Variants in UGT1A8 observed in about 807,000 individuals in gnomAD.
The protein encoded by UGT1A8 is UDP glucuronosyltransferase family 1 member A8.
Under a neutral mutation model 45.3 loss-of-function variants are expected in UGT1A8, and 39 were observed. The ratio of observed to expected loss-of-function variants is 0.86; its 90% CI spans 0.67 to 1.12. UGT1A8 has a LOEUF of 1.12. UGT1A8 is among the 50% of genes most tolerant of loss of function. The pLI is 0.00. For missense variants in UGT1A8, 719 were observed against 664.9 expected (o/e 1.08, Z -0.90); for synonymous variants, 275 against 249.2 (o/e 1.10, Z -0.97).
chr2:233,635,648 T>A (rs770605579), intron 1 of UGT1A8, among the ~76,000 whole-genome samples: 11 of 150,762 alleles, frequency 7.3e-5, no homozygotes, highest in Non-Finnish European at 1.2e-4. Context: ...GCATGGCTAC[T>A]GTGAAAGAAG....
chr2:233,755,210 C>A, intron 1 of UGT1A8: 1 of 1,056,306 alleles, frequency 9.5e-7, no homozygotes, highest in Non-Finnish European at 1.4e-6. Flanking sequence ...GGTACGCCTT[C>A]TTGATACCCT....
intron 1 of UGT1A8, chr2:233,648,674 C>A: frequency 3.1e-6 from 1 of 325,856 alleles, no homozygotes; most frequent in South Asian, 3.2e-5. Flanking sequence ...CCGTGTTAGC[C>A]AGGATGGTCT....
chr2:233,744,692 A>G (rs1481135154), intron 1 of UGT1A8, among the ~76,000 whole-genome samples: 1 of 151,878 alleles, frequency 6.6e-6, no homozygotes, highest in African/African-American at 2.4e-5. Context: ...AGCTTCTGGA[A>G]AACTCCACTG....
At chr2:233,750,259 G>C (rs1161591814) in intron 1 of UGT1A8, among the ~76,000 whole-genome samples, 2 of 151,924 alleles carry the variant, frequency 1.3e-5, no homozygotes, top group African/African-American at 2.4e-5. Flanking sequence ...GGTCACCCTT[G>C]CTATGCTTTA....
At chr2:233,746,367 C>T (rs1317726089) in intron 1 of UGT1A8, among the ~76,000 whole-genome samples, 1 of 151,694 alleles carries the variant, frequency 6.6e-6, no homozygotes, top group Non-Finnish European at 1.5e-5. Flanking sequence ...AGTAACAAGT[C>T]CCTTCATTCT....
Position 233,617,836 on chromosome 2 carries a change from G to A in UGT1A8, c.129G>A (p.Ser43=), listed in dbSNP as rs764434525. ...GGAGTCACTGGTTCACCATGCAGTC[G>A]GTGGTGGAGAAACTTATCCTCAGGG... ...MDGSHWFTMQ[S]VVEKLILRGH... Residue 43 remains serine (S), a synonymous_variant, in exon 1 of 5, where the codon TCG becomes TCA. Coordinates refer to ENST00000373450, the MANE Select transcript of UGT1A8 (RefSeq NM_019076.5). 1.9e-5 allele frequency: 30 copies of A among 1,613,958 alleles called. No individual in the cohort carries two copies. The highest frequency in any genetic ancestry group is 2.3e-5 in the Non-Finnish European group (27 of 1,180,012).
intron 4 of UGT1A8, among the ~76,000 whole-genome samples, chr2:233,771,990 C>T (rs1700432517): frequency 6.6e-6 from 1 of 152,154 alleles, no homozygotes; most frequent in African/African-American, 2.4e-5. Flanking sequence ...TGGTGCATGA[C>T]TAATTCCAGC....
intron 1 of UGT1A8, chr2:233,648,059 A>T: frequency 6.3e-7 from 1 of 1,576,364 alleles, no homozygotes; most frequent in Non-Finnish European, 8.6e-7. Flanking sequence ...TGCACAGTGA[A>T]GACTTCTTCA....
In UGT1A8 at chr2:233,719,006, C is replaced by T. The variant is rs899895461; in HGVS notation, c.856-48028C>T. On this transcript the variant is annotated intron_variant, in intron 1 of 4. Transcript: ENST00000373450. ...GAGGCCACCAGGCGGTGGTCCTCACCCCAGAGGTGAATATGCACATCAAAG... is the reference window on the plus strand; with the variant it reads ...GAGGCCACCAGGCGGTGGTCCTCACTCCAGAGGTGAATATGCACATCAAAG... The T allele has an allele frequency of 1.9e-6, 3 of 1,614,196 alleles. No individual in the cohort carries two copies. The East Asian group carries it at 6.7e-5, about 36-fold the overall frequency.
At chr2:233,707,968 C>T (rs2075997413) in intron 1 of UGT1A8, among the ~76,000 whole-genome samples, 2 of 152,302 alleles carry the variant, frequency 1.3e-5, no homozygotes, top group Admixed American at 1.3e-4. Flanking sequence ...CCATTCAAGT[C>T]TATTGCCCAC....
intron 1 of UGT1A8, chr2:233,693,522 G>A (rs2075160546): frequency 1.2e-6 from 2 of 1,614,162 alleles, no homozygotes; most frequent in Middle Eastern, 1.6e-4. Flanking sequence ...CTCTTCAGGG[G>A]TTTTCCGTGT....
intron 1 of UGT1A8, chr2:233,729,683 A>G (rs997425766): frequency 5.0e-6 from 8 of 1,613,836 alleles, no homozygotes; most frequent in African/African-American, 1.3e-5. Context: ...AAGGGCACAC[A>G]GTGTCCAAAC....
chr2:233,742,531 TTTTG>T (rs1252535514), intron 1 of UGT1A8, among the ~76,000 whole-genome samples: 4 of 151,838 alleles, frequency 2.6e-5, no homozygotes, highest in African/African-American at 9.7e-5. Context: ...GCTGCAGAGA[TTTTG>T]TTTATGGCCA....
chr2:233,675,426 G>A (rs1247129134), intron 1 of UGT1A8, among the ~76,000 whole-genome samples: 1 of 152,180 alleles, frequency 6.6e-6, no homozygotes, highest in South Asian at 2.1e-4. Context: ...ATTAATGACT[G>A]GTTTTAGGTG....
rs770433443 is a variant in UGT1A8 at position 233,767,890 on chromosome 2, G to T, written c.1029G>T (p.Ala343=). The T allele has an allele frequency of 4.3e-6, 7 of 1,614,094 alleles. No individual in the cohort carries two copies. Among genetic ancestry groups the T allele is most frequent in the Non-Finnish European group, 1.7e-6 (2 of 1,180,038 alleles). The change falls in exon 3 of 5, where the codon GCG becomes GCT. Residue 343 remains alanine, a synonymous_variant. Transcript: ENST00000373450. ...RYTGTRPSNL[A]NNTILVKWLP... is the part of the protein sequence containing the mutation. ...CTGGAACCCGACCATCGAATCTTGC[G>T]AACAACACGATACTTGTTAAGTGGC...
intron 1 of UGT1A8, among the ~76,000 whole-genome samples, chr2:233,766,542 G>T (rs186130827): frequency 4.6e-5 from 7 of 152,298 alleles, no homozygotes; most frequent in African/African-American, 1.7e-4. Context: ...AAACAAAAAT[G>T]CCTGTCCTCA....
chr2:233,769,543 G>A lies in UGT1A8; in HGVS notation c.1295+1104G>A, dbSNP rs750789040. The A allele has an allele frequency of 1.2e-6, 2 of 1,612,968 alleles. No individual in the cohort carries two copies. The highest frequency in any genetic ancestry group is 1.7e-6 in the Non-Finnish European group (2 of 1,179,890). On this transcript the variant is annotated intron_variant, in intron 4 of 4. Transcript: ENST00000373450. The surrounding 1 kb of genome is among the most constrained non-coding windows in gnomAD (Gnocchi z 4.4). The stretch of plus-strand genomic sequence containing the variant: ...TTACCTCCTTTAGAAAGAAGCAGCA[G>A]TCAGGAAGACAGATGTGAAGAGCTG...
chr2:233,691,520 C>G, intron 1 of UGT1A8: 4 of 985,704 alleles, frequency 4.1e-6, no homozygotes, highest in Non-Finnish European at 4.8e-6. Flanking sequence ...GCCAGGTGTG[C>G]ATGACTAGCT....
In UGT1A8 at chr2:233,772,637, A is replaced by G; in HGVS notation, c.*78A>G. ...AACTTGAAAACAGAATCAGTGTTAA[A>G]TTCATTTTATTCTTATTAAGGAAAT... On this transcript the variant is annotated 3_prime_UTR_variant, in exon 5 of 5. Transcript: ENST00000373450. The G allele has an allele frequency of 1.5e-5, 23 of 1,552,946 alleles. No individual in the cohort carries two copies. Among genetic ancestry groups the G allele is most frequent in the Non-Finnish European group, 2.0e-5 (23 of 1,148,470 alleles).
Sources: gnomAD v4.1 joint callset for allele counts (sites outside exome capture counted in the v4.1 genomes callset) on GRCh38, gnomAD v4.1.1 for gene constraint, Gnocchi (gnomAD v3.1) non-coding constraint, MANE v1.5 for transcripts, NCBI Gene and HGNC (gene_info 2026-07-23, HGNC 2026-07-21) for gene names.